Variants in GGACT observed in about 807,000 individuals in gnomAD.
The protein encoded by GGACT is gamma-glutamylaminecyclotransferase.
For missense variants in GGACT, 241 were observed against 233.2 expected (o/e 1.03, Z -0.22); for synonymous variants, 118 against 115.3 (o/e 1.02, Z -0.15).
Position 100,545,401 on chromosome 13 carries a change from C to T in GGACT, c.-10-12800G>A, listed in dbSNP as rs2088595745. On this transcript the variant is annotated intron_variant, in intron 2 of 2. Coordinates refer to ENST00000683975, the MANE Select transcript of GGACT (RefSeq NM_001195087.2). The surrounding 1 kb of genome is among the most constrained non-coding windows in gnomAD (Gnocchi z 4.4). ...GAGCCTTCACGTCCCTTCCTGACCT[C>T]CTTCCTGACCTCCACGTCCCAGGGC... Among the ~76,000 whole-genome samples, 2 of 152,166 alleles carry T rather than the reference C, an allele frequency of 1.3e-5. No homozygotes were observed. The highest frequency in any genetic ancestry group is 1.3e-4 in the Admixed American group (2 of 15,292).
At chr13:100,560,230 T>A (rs1406130940) in intron 2 of GGACT, among the ~76,000 whole-genome samples, 2 of 152,200 alleles carry the variant, frequency 1.3e-5, no homozygotes, top group Non-Finnish European at 2.9e-5. Flanking sequence ...AAAAACGCAC[T>A]GAACTTTAAA....
rs1190783386 is a variant in GGACT, at chr13:100,531,900, G to A, written c.*230C>T. ...ACACGAGTTCTCTAAATGTCATTTAGGGGAGTTAAAATCCTAAATTTTTCT... is the reference window on the plus strand; with the variant it reads ...ACACGAGTTCTCTAAATGTCATTTAAGGGAGTTAAAATCCTAAATTTTTCT... On this transcript the variant is annotated 3_prime_UTR_variant, in exon 3 of 3. Coordinates refer to ENST00000683975, the MANE Select transcript of GGACT (RefSeq NM_001195087.2). 9.5e-6 allele frequency: 4 copies of A among 419,726 alleles called. No homozygotes were observed. The highest frequency in any genetic ancestry group is 2.0e-5 in the African/African-American group (1 of 48,996). The allele number at this position is 419,726 out of a possible 1,614,324, so 26.0% of individuals were successfully genotyped here. A position where few individuals can be genotyped will look rare whatever the true frequency, so the allele number is the denominator to read the frequency against.
intron 2 of GGACT, among the ~76,000 whole-genome samples, chr13:100,550,023 G>A (rs2088642236): frequency 6.6e-6 from 1 of 152,096 alleles, no homozygotes; most frequent in Non-Finnish European, 1.5e-5. Flanking sequence ...AAATGGCTGA[G>A]AGCGAAGTTA....
At chr13:100,578,367 C>T (rs1875314651) in intron 2 of GGACT, among the ~76,000 whole-genome samples, 1 of 152,230 alleles carries the variant, frequency 6.6e-6, no homozygotes, top group African/African-American at 2.4e-5. Context: ...GAATGTGTCG[C>T]ATTTGCGTAA....
rs1267511976 is a variant in GGACT at position 100,532,216 on chromosome 13, G to A, written c.376C>T (p.Pro126Ser). 4 of 1,483,156 alleles carry A rather than the reference G, an allele frequency of 2.7e-6. No individual in the cohort carries two copies. Among genetic ancestry groups the A allele is most frequent in the Non-Finnish European group, 3.6e-6 (4 of 1,109,626 alleles). The allele number at this position is 1,483,156 out of a possible 1,614,324, so 91.9% of individuals were successfully genotyped here. A position where few individuals can be genotyped will look rare whatever the true frequency, so the allele number is the denominator to read the frequency against. ...TGGTGCGGGAGCTGGGCCCACTCCG[G>A]CGGGAAGGTGGCCCTGCTGTACACG... ...CFVYSRATFPPEWAQLPHHDS... is the reference protein window; with the variant it reads ...CFVYSRATFPSEWAQLPHHDS... The change falls in exon 3 of 3, where the codon CCG becomes TCG. Residue 126 changes from proline (P) to serine (S), a missense_variant. Pro to Ser is a moderately conservative substitution (Grantham distance 74, BLOSUM62 -1). Transcript: ENST00000683975.
In GGACT at chr13:100,588,480, G is replaced by A. The variant is rs930123212; in HGVS notation, c.-184+261C>T. 5.3e-5 allele frequency: 8 copies of A among 152,206 alleles called. No individual in the cohort carries two copies. The South Asian group carries it at 1.7e-3, about 31-fold the overall frequency. The allele number at this position is 152,206 out of a possible 1,614,324, so 9.4% of individuals were successfully genotyped here. ...TCCTGGCTTTTACCGCCCTCTGCCCGTTCTGGCAATCGCGCCCGTGGCCCC... is the reference window on the plus strand; with the variant it reads ...TCCTGGCTTTTACCGCCCTCTGCCCATTCTGGCAATCGCGCCCGTGGCCCC... On this transcript the variant is annotated intron_variant, in intron 1 of 2. Coordinates refer to ENST00000683975, the MANE Select transcript of GGACT (RefSeq NM_001195087.2).
chr13:100,556,174 A>C (rs12868591), intron 2 of GGACT, among the ~76,000 whole-genome samples: 3,084 of 152,350 alleles, frequency 0.02, 90 homozygotes, highest in East Asian at 0.14. Flanking sequence ...ACACTTCAGA[A>C]AGAAAGAAAA....
chr13:100,556,205 A>G (rs760421966), intron 2 of GGACT, among the ~76,000 whole-genome samples: 7 of 152,350 alleles, frequency 4.6e-5, no homozygotes, highest in South Asian at 2.1e-4. Context: ...TGCAGTTAAC[A>G]TAACTGTCAG....
chr13:100,552,660 T>C (rs1159601892), intron 2 of GGACT, among the ~76,000 whole-genome samples: 1 of 152,210 alleles, frequency 6.6e-6, no homozygotes, highest in Non-Finnish European at 1.5e-5. Flanking sequence ...AGCCACTTAA[T>C]GTTTCTGTTA....
intron 2 of GGACT, among the ~76,000 whole-genome samples, chr13:100,547,180 C>T (rs1171599490): frequency 6.6e-6 from 1 of 152,192 alleles, no homozygotes; most frequent in Non-Finnish European, 1.5e-5. Flanking sequence ...ACCCTCAGAC[C>T]AGGCCCGGGA....
intron 2 of GGACT, among the ~76,000 whole-genome samples, chr13:100,546,131 C>A (rs1178737073): frequency 6.6e-6 from 1 of 151,932 alleles, no homozygotes; most frequent in Non-Finnish European, 1.5e-5. Context: ...GAGGCCGAGG[C>A]GGGTGGATCA....
chr13:100,542,539 G>C (rs2088564776), intron 2 of GGACT, among the ~76,000 whole-genome samples: 1 of 152,138 alleles, frequency 6.6e-6, no homozygotes. Context: ...TTTTACTTTG[G>C]GTTCCTAGAG....
intron 2 of GGACT, among the ~76,000 whole-genome samples, chr13:100,561,106 A>C (rs1254644035): frequency 6.6e-6 from 1 of 152,170 alleles, no homozygotes; most frequent in Non-Finnish European, 1.5e-5. Flanking sequence ...CCTAAGTCTC[A>C]TCAAGCAGCA....
chr13:100,563,180 G>A (rs1485095903), intron 2 of GGACT, among the ~76,000 whole-genome samples: 1 of 152,100 alleles, frequency 6.6e-6, no homozygotes, highest in Non-Finnish European at 1.5e-5. Context: ...GCTGCCCCAC[G>A]ATCAATCTGC....
At chr13:100,571,147 G>T (rs968317927) in intron 2 of GGACT, among the ~76,000 whole-genome samples, 1 of 152,154 alleles carries the variant, frequency 6.6e-6, no homozygotes, top group Non-Finnish European at 1.5e-5. Context: ...AGGGAAAAAA[G>T]GGAAGATAAC....
chr13:100,580,316 C>G (rs188524162), intron 2 of GGACT, among the ~76,000 whole-genome samples: 17 of 152,210 alleles, frequency 1.1e-4, no homozygotes, highest in Admixed American at 6.5e-5. Flanking sequence ...GCAATCTACA[C>G]GGGCCCTGAA....
Position 100,532,433 on chromosome 13 carries a change from C to G in GGACT, c.159G>C (p.Leu53=). ...VIAGEHNIPW[L]LHLPGSGRLV... is the part of the protein sequence containing the mutation. ...GGCGCCCCGAGCCGGGCAGGTGCAG[C>G]AGCCACGGGATGTTGTGCTCCCCCG... Residue 53 remains leucine, a synonymous_variant, in exon 3 of 3, where the codon CTG becomes CTC. Transcript: ENST00000683975. The G allele has an allele frequency of 3.2e-6, 5 of 1,549,976 alleles. No individual in the cohort carries two copies. The highest frequency in any genetic ancestry group is 1.2e-5 in the South Asian group (1 of 84,052).
At chr13:100,571,205 A>T (rs9300607) in intron 2 of GGACT, among the ~76,000 whole-genome samples, 1 of 152,060 alleles carries the variant, frequency 6.6e-6, no homozygotes, top group Non-Finnish European at 1.5e-5. Context: ...GCACATGAGA[A>T]GCACACTTTT....
At chr13:100,550,383 C>T (rs535447767) in intron 2 of GGACT, among the ~76,000 whole-genome samples, 3 of 138,700 alleles carry the variant, frequency 2.2e-5, no homozygotes, top group South Asian at 2.2e-4. Context: ...AAACTGGATG[C>T]GCTGAATGAA....
Sources: gnomAD v4.1 joint callset for allele counts (sites outside exome capture counted in the v4.1 genomes callset) on GRCh38, gnomAD v4.1.1 for gene constraint, Gnocchi (gnomAD v3.1) non-coding constraint, MANE v1.5 for transcripts, NCBI Gene and HGNC (gene_info 2026-07-23, HGNC 2026-07-21) for gene names.